Variants in STK26 observed in about 807,000 individuals in gnomAD.
STK26 encodes the protein serine/threonine-protein kinase 26.
In STK26, 14 loss-of-function variants were observed where a neutral mutation model predicts 34.7. That is an observed-to-expected ratio of 0.40 (90% confidence interval 0.27 to 0.63). The LOEUF is 0.63. STK26 is among the 30% of genes least tolerant of loss of function. STK26 has a pLI of 0.38. For missense variants in STK26, 226 were observed against 309.1 expected (o/e 0.73, Z 2.02); for synonymous variants, 100 against 109.8 (o/e 0.91, Z 0.56).
At chrX:132,034,292 CTTTTTTTTTTTTTTTTTTTT>C (rs561602079) in intron 2 of STK26, among the ~76,000 whole-genome samples, 1 of 41,379 alleles carries the variant, frequency 2.4e-5, no homozygotes, top group African/African-American at 1.0e-4. Flanking sequence ...GACATTTATT[CTTTTTTTTTTTTTTTTTTTT>C]TTTTTTTTTT....
intron 7 of STK26, among the ~76,000 whole-genome samples, chrX:132,069,931 T>C (rs1927361299): frequency 8.9e-6 from 1 of 111,903 alleles, no homozygotes; most frequent in South Asian, 3.7e-4. Flanking sequence ...GGAAATAAAT[T>C]TGAGAAATAA....
intron 2 of STK26, among the ~76,000 whole-genome samples, chrX:132,050,489 C>T (rs1193226035): frequency 9.0e-6 from 1 of 111,413 alleles, no homozygotes; most frequent in East Asian, 2.8e-4. Flanking sequence ...GTCATGCAGT[C>T]GACCCTGCGG....
intron 2 of STK26, among the ~76,000 whole-genome samples, chrX:132,037,484 T>A (rs1279723324): frequency 8.9e-6 from 1 of 112,043 alleles, no homozygotes; most frequent in Non-Finnish European, 1.9e-5. Flanking sequence ...TTCAATTCTT[T>A]GCTTAATTTT....
At chrX:132,034,891 G>T (rs1049118679) in intron 2 of STK26, among the ~76,000 whole-genome samples, 5 of 108,951 alleles carry the variant, frequency 4.6e-5, no homozygotes, top group Non-Finnish European at 9.6e-5. Flanking sequence ...CTGAGGTGAA[G>T]CCGGTGAATT....
chrX:132,062,219 A>G (rs958205512), intron 3 of STK26, among the ~76,000 whole-genome samples: 8 of 112,225 alleles, frequency 7.1e-5, no homozygotes, highest in Admixed American at 5.6e-4. Context: ...CAACCATTCT[A>G]CTTCCAGTCA....
In STK26 at chrX:132,074,030, G is replaced by A. The variant is rs889537105; in HGVS notation, c.1227-105G>A. ...CATGATAAGATTCAATAGAAACAAT[G>A]TATCCCTTTTGTGGAATCAGTTTCT... is the stretch of plus-strand genomic sequence containing the variant. On this transcript the variant is annotated intron_variant, in intron 11 of 11. Transcript: ENST00000394334. The A allele has an allele frequency of 7.8e-6, 5 of 644,198 alleles. No individual in the cohort carries two copies. The African/African-American group carries it at 1.1e-4, about 15-fold the overall frequency. 53.1% of individuals were successfully genotyped at this position (644,198 alleles called of 1,213,427 possible).
rs1020249823 is a variant in STK26 at position 132,039,764 on chromosome X, A to G, written c.43-14867A>G. Among the ~76,000 whole-genome samples, 5 of 111,944 alleles carry G rather than the reference A, an allele frequency of 4.5e-5. No individual in the cohort carries two copies. The Admixed American group carries it at 4.7e-4, about 11-fold the overall frequency. On this transcript the variant is annotated intron_variant, in intron 2 of 11. Coordinates refer to ENST00000394334, the MANE Select transcript of STK26 (RefSeq NM_016542.4). ...AAAGGAAAGTTCTTTGAAATTTTGA[A>G]TTTTTAGGTTCTCCCTGGCAAATAT...
At position 132,071,063 on chromosome X, in the gene STK26, C is replaced by T; in HGVS notation, c.784-6C>T. ...TCATATGCAGCCTTGATCTTTTTATCCTTAGCGTCCTACAGCAAAAGAACT... is the reference window on the plus strand; with the variant it reads ...TCATATGCAGCCTTGATCTTTTTATTCTTAGCGTCCTACAGCAAAAGAACT... On this transcript the variant is annotated splice_polypyrimidine_tract_variant and splice_region_variant and intron_variant, in intron 7 of 11. Coordinates refer to ENST00000394334, the MANE Select transcript of STK26 (RefSeq NM_016542.4). 1 of 1,202,694 alleles carries T rather than the reference C, an allele frequency of 8.3e-7. No homozygotes were observed. Among genetic ancestry groups the T allele is most frequent in the Non-Finnish European group, 1.1e-6 (1 of 890,945 alleles).
intron 2 of STK26, among the ~76,000 whole-genome samples, chrX:132,034,537 G>A (rs759267490): frequency 2.7e-5 from 3 of 109,880 alleles, no homozygotes; most frequent in Non-Finnish European, 3.8e-5. Context: ...CTCGTGGTCC[G>A]CCCGCCTCGG....
At chrX:132,058,836 T>C (rs1379302919) in intron 3 of STK26, among the ~76,000 whole-genome samples, 2 of 111,091 alleles carry the variant, frequency 1.8e-5, no homozygotes, top group East Asian at 5.6e-4. Flanking sequence ...TGCTTCATGA[T>C]AAAATTGTAG....
At chrX:132,035,906 A>T (rs1356244136) in intron 2 of STK26, among the ~76,000 whole-genome samples, 2 of 108,372 alleles carry the variant, frequency 1.8e-5, no homozygotes, top group Non-Finnish European at 3.8e-5. Context: ...TTCAAAGCCA[A>T]TTTGTATTTA....
intron 3 of STK26, among the ~76,000 whole-genome samples, chrX:132,061,573 T>C (rs1927055896): frequency 8.9e-6 from 1 of 112,018 alleles, no homozygotes; most frequent in Admixed American, 9.5e-5. Flanking sequence ...GGTAGGGGAA[T>C]ATTGTTCCTC....
intron 2 of STK26, among the ~76,000 whole-genome samples, chrX:132,028,031 G>GTTTT (rs546393727): frequency 0.021 from 1,625 of 78,210 alleles, 49 homozygotes; most frequent in Middle Eastern, 0.073. Flanking sequence ...AATTTTTATG[G>GTTTT]TTTTTTTTTT....
Position 132,072,977 on chromosome X carries a change from T to G in STK26, c.1110T>G (p.Asn370Lys). ...CTCAGCTTAAACAGCAGGACGAGAA[T>G]AACGCTAGCAGGAATCAGGCGATTG... ...AFAELKQQDE[N>K]NASRNQAIEE... The change falls in exon 11 of 12, where the codon AAT becomes AAG. Residue 370 changes from asparagine (N) to lysine (K), a missense_variant. Physicochemically the swap from Asn to Lys is moderately conservative, Grantham distance 94 (BLOSUM62 0). Coordinates refer to ENST00000394334, the MANE Select transcript of STK26 (RefSeq NM_016542.4). 8.3e-7 allele frequency: 1 copy of G among 1,210,546 alleles called. No individual in the cohort carries two copies.
intron 7 of STK26, among the ~76,000 whole-genome samples, chrX:132,070,306 A>G (rs1569336615): frequency 8.9e-6 from 1 of 111,945 alleles, no homozygotes; most frequent in Non-Finnish European, 1.9e-5. Context: ...TGCTGGGATT[A>G]CAGGCATGAG....
intron 2 of STK26, among the ~76,000 whole-genome samples, chrX:132,044,796 TAGAGAGAG>T (rs1374000983): frequency 0.048 from 1,647 of 34,280 alleles, 112 homozygotes; most frequent in Admixed American, 0.072. Flanking sequence ...TTTATATATA[TAGAGAGAG>T]ATCTATATAT....
chrX:132,041,039 C>A (rs1926246814), intron 2 of STK26, among the ~76,000 whole-genome samples: 1 of 111,821 alleles, frequency 8.9e-6, no homozygotes, highest in Non-Finnish European at 1.9e-5. Context: ...TTTTTTTCCG[C>A]AAAATATCAG....
intron 7 of STK26, among the ~76,000 whole-genome samples, chrX:132,069,987 A>G (rs1176650425): frequency 8.9e-6 from 1 of 111,792 alleles, no homozygotes; most frequent in African/African-American, 3.2e-5. Flanking sequence ...GTATAAATAC[A>G]ATGATTTTTG....
intron 3 of STK26, among the ~76,000 whole-genome samples, chrX:132,062,706 A>G (rs904114906): frequency 1.8e-5 from 2 of 112,411 alleles, no homozygotes; most frequent in African/African-American, 6.5e-5. Flanking sequence ...TTACCTCCTC[A>G]TTCTTTAATG....
Sources: gnomAD v4.1 joint callset for allele counts (sites outside exome capture counted in the v4.1 genomes callset) on GRCh38, gnomAD v4.1.1 for gene constraint, MANE v1.5 for transcripts, NCBI Gene and HGNC (gene_info 2026-07-23, HGNC 2026-07-21) for gene names.